Variants in KCNK9 observed in about 807,000 individuals in gnomAD.
The protein encoded by KCNK9 is potassium channel subfamily K member 9.
KCNK9 carries 1 observed loss-of-function variant against 10.8 expected under a neutral mutation model. The ratio of observed to expected loss-of-function variants is 0.09; its 90% confidence interval spans 0.03 to 0.44. KCNK9 has a LOEUF of 0.44. KCNK9 is among the 20% of genes least tolerant of loss of function. The pLI is 0.97. For synonymous variants in KCNK9, 231 were observed against 222.7 expected (o/e 1.04, Z -0.33); for missense variants, 303 against 515.0 (o/e 0.59, Z 3.98).
At chr8:139,655,046 G>C (rs1252938258) in intron 1 of KCNK9, among the ~76,000 whole-genome samples, 2 of 152,154 alleles carry the variant, frequency 1.3e-5, no homozygotes, top group Non-Finnish European at 2.9e-5. Flanking sequence ...CGCTGGGGCA[G>C]GTGGCAGAGC....
chr8:139,615,869 G>A (rs1814573842), downstream of KCNK9: 1 of 152,084 alleles, frequency 6.6e-6, no homozygotes, highest in African/African-American at 2.4e-5. Flanking sequence ...CACAGATAGT[G>A]TAGTGGAGAA....
chr8:139,616,240 T>C (rs1001680701), downstream of KCNK9: 1 of 152,216 alleles, frequency 6.6e-6, no homozygotes, highest in Non-Finnish European at 1.5e-5. Flanking sequence ...GCATTAGGGC[T>C]TTTATACCTC....
chr8:139,701,406 C>T (rs1240844837), intron 1 of KCNK9, among the ~76,000 whole-genome samples: 4 of 152,192 alleles, frequency 2.6e-5, no homozygotes, highest in Admixed American at 6.5e-5. Flanking sequence ...CCTGTGCTGG[C>T]GCTTCCTGTT....
At chr8:139,636,772 G>A (rs760569049) in intron 1 of KCNK9, among the ~76,000 whole-genome samples, 3 of 152,186 alleles carry the variant, frequency 2.0e-5, no homozygotes, top group African/African-American at 4.8e-5. Context: ...AGAAAAGAAA[G>A]GTTTATGGCA....
At chr8:139,634,781 G>T (rs575157317) in intron 1 of KCNK9, among the ~76,000 whole-genome samples, 242 of 152,320 alleles carry the variant, frequency 1.6e-3, no homozygotes, top group African/African-American at 5.5e-3. Flanking sequence ...AGGGGAAGGG[G>T]AATCCTTGGC....
At chr8:139,637,786 A>AG (rs1554621349) in intron 1 of KCNK9, among the ~76,000 whole-genome samples, 1 of 65,234 alleles carries the variant, frequency 1.5e-5, no homozygotes, top group African/African-American at 6.7e-5. Context: ...CACACACACA[A>AG]TAATAGTAAG....
At chr8:139,697,478 G>T (rs558468237) in intron 1 of KCNK9, among the ~76,000 whole-genome samples, 165 of 151,792 alleles carry the variant, frequency 1.1e-3, no homozygotes, top group African/African-American at 3.7e-3. Flanking sequence ...ACGGTGGATA[G>T]CTGGGTGGGT....
At chr8:139,643,707 CT>C (rs1815581762) in intron 1 of KCNK9, among the ~76,000 whole-genome samples, 1 of 152,318 alleles carries the variant, frequency 6.6e-6, no homozygotes, top group East Asian at 1.9e-4. Context: ...CACCCCACCC[CT>C]GAGATGCATG....
In KCNK9 at chr8:139,617,903, C is replaced by G. The variant is rs564612538; in HGVS notation, c.*355G>C. ...AGCTTTGGGGTGGGTATCCTCTCAGCTCTGTCTCCGTGGTCTTGGTCTCAC... is the reference window on the plus strand; with the variant it reads ...AGCTTTGGGGTGGGTATCCTCTCAGGTCTGTCTCCGTGGTCTTGGTCTCAC... On this transcript the variant is annotated 3_prime_UTR_variant, in exon 2 of 2. Coordinates refer to ENST00000520439, the MANE Select transcript of KCNK9 (RefSeq NM_001282534.2). 1.4e-4 allele frequency: 46 copies of G among 336,570 alleles called. No homozygotes were observed. The highest frequency in any genetic ancestry group is 1.0e-3 in the Middle Eastern group (1 of 1,002). The allele number at this position is 336,570 out of a possible 1,614,324, so 20.8% of individuals were successfully genotyped here.
At chr8:139,656,560 C>A (rs1012741808) in intron 1 of KCNK9, among the ~76,000 whole-genome samples, 7 of 152,350 alleles carry the variant, frequency 4.6e-5, no homozygotes, top group African/African-American at 1.4e-4. Flanking sequence ...TCAGATGACA[C>A]CTGCCCCGGG....
chr8:139,657,107 G>C (rs1399055918), intron 1 of KCNK9, among the ~76,000 whole-genome samples: 2 of 152,156 alleles, frequency 1.3e-5, no homozygotes, highest in Non-Finnish European at 2.9e-5. Flanking sequence ...TTGAGGCTCA[G>C]CTCCAAGCTT....
chr8:139,665,563 C>G (rs1270309954), intron 1 of KCNK9, among the ~76,000 whole-genome samples: 3 of 152,232 alleles, frequency 2.0e-5, no homozygotes, highest in Non-Finnish European at 4.4e-5. Context: ...GGAGAAGACA[C>G]TATTCTGCCA....
At chr8:139,662,883 G>A (rs1468907149) in intron 1 of KCNK9, among the ~76,000 whole-genome samples, 1 of 148,260 alleles carries the variant, frequency 6.7e-6, no homozygotes, top group Non-Finnish European at 1.5e-5. Flanking sequence ...AGGGGGGGGG[G>A]CTGGAGGACA....
chr8:139,699,249 G>A (rs567043638), intron 1 of KCNK9, among the ~76,000 whole-genome samples: 3 of 152,278 alleles, frequency 2.0e-5, no homozygotes, highest in African/African-American at 7.2e-5. Context: ...CTGTTGGATC[G>A]TGGGGAGAGG....
intron 1 of KCNK9, among the ~76,000 whole-genome samples, chr8:139,666,828 T>C (rs2129722527): frequency 6.6e-6 from 1 of 152,362 alleles, no homozygotes. Flanking sequence ...CCTCATCCAT[T>C]TTTTCAGCCT....
At chr8:139,605,749 C>T (rs557381686) in intron 2 of KCNK9, among the ~76,000 whole-genome samples, 12 of 152,136 alleles carry the variant, frequency 7.9e-5, no homozygotes, top group South Asian at 4.2e-4. Flanking sequence ...GGCTGCGTAC[C>T]GCACTCGTTA....
At chr8:139,630,058 G>A (rs1242746924) in intron 1 of KCNK9, among the ~76,000 whole-genome samples, 1 of 151,926 alleles carries the variant, frequency 6.6e-6, no homozygotes, top group East Asian at 1.9e-4. Context: ...TAGGGGTTGC[G>A]GGGGGAGCGG....
At chr8:139,636,004 T>A (rs1168162557) in intron 1 of KCNK9, among the ~76,000 whole-genome samples, 1 of 152,226 alleles carries the variant, frequency 6.6e-6, no homozygotes, top group Non-Finnish European at 1.5e-5. Context: ...AAATAGGGAA[T>A]CCGTTAGACC....
chr8:139,683,490 G>A (rs547816842), intron 1 of KCNK9, among the ~76,000 whole-genome samples: 12 of 152,212 alleles, frequency 7.9e-5, no homozygotes, highest in Non-Finnish European at 8.8e-5. Context: ...GCCTTCAGCA[G>A]CAGGTCTGAG....
Sources: gnomAD v4.1 joint callset for allele counts (sites outside exome capture counted in the v4.1 genomes callset) on GRCh38, gnomAD v4.1.1 for gene constraint, MANE v1.5 for transcripts, NCBI Gene and HGNC (gene_info 2026-07-23, HGNC 2026-07-21) for gene names.